KCNB2: variants seen among roughly 807,000 people sequenced by gnomAD.
KCNB2 encodes potassium voltage-gated channel subfamily B member 2, also known as delayed rectifier potassium channel protein.
KCNB2 carries 15 observed loss-of-function variants against 61.5 expected under a neutral mutation model. That is an observed-to-expected ratio of 0.24 (90% CI 0.16 to 0.38). The LOEUF is 0.38. Ranked by LOEUF, KCNB2 falls within the 10% of genes least tolerant of loss-of-function variation. The probability of loss-of-function intolerance (pLI) is 1.00; values close to 1 mark genes in which losing one functional copy is unlikely to be tolerated. For synonymous variants in KCNB2, 457 were observed against 446.0 expected, an observed-to-expected ratio of 1.02 and a Z score of -0.31; for missense variants, 828 against 1,125.2, an observed-to-expected ratio of 0.74 and a Z score of 3.78.
At chr8:72,605,106 G>A (rs1397119096) in intron 2 of KCNB2, among the ~76,000 whole-genome samples, 1 of 152,224 alleles carries the variant, frequency 6.6e-6, no homozygotes, top group Admixed American at 6.5e-5. Flanking sequence ...CAATAAGAAA[G>A]TATTTGCAGC....
intron 2 of KCNB2, among the ~76,000 whole-genome samples, chr8:72,869,147 G>T (rs1365725129): frequency 6.6e-6 from 1 of 152,122 alleles, no homozygotes; most frequent in African/African-American, 2.4e-5. Flanking sequence ...TAAGAACTGG[G>T]GTATGGTTGA....
At chr8:72,885,518 A>C (rs964152562) in intron 2 of KCNB2, among the ~76,000 whole-genome samples, 8 of 152,142 alleles carry the variant, frequency 5.3e-5, no homozygotes, top group African/African-American at 1.9e-4. Context: ...CTTCTCCTTA[A>C]GTCATTTTTT....
intron 2 of KCNB2, among the ~76,000 whole-genome samples, chr8:72,853,332 T>G (rs564522777): frequency 6.6e-6 from 1 of 152,296 alleles, no homozygotes. Context: ...TGCCTCCAGG[T>G]GGGACCAGCT....
At chr8:72,800,583 A>G (rs776296006) in intron 2 of KCNB2, among the ~76,000 whole-genome samples, 2 of 152,038 alleles carry the variant, frequency 1.3e-5, no homozygotes, top group Non-Finnish European at 2.9e-5. Flanking sequence ...TCCATATTTG[A>G]AAAAATATGG....
In KCNB2 at chr8:72,898,388, C is replaced by T. The variant is rs141468101; in HGVS notation, c.580-37547C>T. Among the ~76,000 whole-genome samples the T allele has an allele frequency of 4.5e-3, 687 of 151,868 alleles. 5 individuals are homozygous for T. Among genetic ancestry groups the T allele is most frequent in the Non-Finnish European group, 7.9e-3 (538 of 67,962 alleles). Reference sequence around the variant, plus strand: ...AGCACACCAACATGGCACATGTATACGTATGTAACTAACCTGCACGTTGTG... The same window carrying T: ...AGCACACCAACATGGCACATGTATATGTATGTAACTAACCTGCACGTTGTG... On this transcript the variant is annotated intron_variant, in intron 2 of 2. Transcript: ENST00000523207.
intron 2 of KCNB2, among the ~76,000 whole-genome samples, chr8:72,713,410 C>G (rs190737449): frequency 6.6e-6 from 1 of 152,196 alleles, no homozygotes; most frequent in South Asian, 2.1e-4. Context: ...AGGCACCCCC[C>G]ACTAGGGGCC....
chr8:72,646,557 G>A (rs72668164), intron 2 of KCNB2, among the ~76,000 whole-genome samples: 4,406 of 152,268 alleles, frequency 0.029, 98 homozygotes, highest in Middle Eastern at 0.082. Context: ...AAGGAAGGAA[G>A]TGCTGACATA....
chr8:72,674,445 C>T (rs1382694556), intron 2 of KCNB2, among the ~76,000 whole-genome samples: 1 of 152,186 alleles, frequency 6.6e-6, no homozygotes, highest in African/African-American at 2.4e-5. Flanking sequence ...TGGCATTTCC[C>T]ATTTGCAGCT....
chr8:72,933,469 A>T (rs1357980872), intron 2 of KCNB2, among the ~76,000 whole-genome samples: 1 of 152,256 alleles, frequency 6.6e-6, no homozygotes, highest in Non-Finnish European at 1.5e-5. Context: ...AAATTAACAA[A>T]TGAACAGATT....
At position 72,913,465 on chromosome 8, in the gene KCNB2, A is replaced by G. The variant is rs150510516; in HGVS notation, c.580-22470A>G. Among the ~76,000 whole-genome samples, 51 of 152,340 alleles carry G rather than the reference A, an allele frequency of 3.3e-4. No individual in the cohort carries two copies. In the East Asian group the frequency reaches 9.3e-3, roughly 28 times the overall value. On this transcript the variant is annotated intron_variant, in intron 2 of 2. Transcript: ENST00000523207. The stretch of plus-strand genomic sequence containing the variant: ...GCACAGGATTGCTATTCTCCCTTAT[A>G]GAAATACCAAGGTACTTTTGAGGGT...
rs539177314 is a variant in KCNB2 at position 72,706,643 on chromosome 8, C to A, written c.579+138330C>A. ...TATGCACACTGCTGTGCTGAACACT[C>A]CATGAGTTAGGAAAATAAACATGAC... On this transcript the variant is annotated intron_variant, in intron 2 of 2. Coordinates refer to ENST00000523207, the MANE Select transcript of KCNB2 (RefSeq NM_004770.3). 2.2e-4 allele frequency among the ~76,000 whole-genome samples: 34 copies of A among 152,274 alleles called. No individual in the cohort carries two copies. The South Asian group carries it at 6.4e-3, about 29-fold the overall frequency.
At chr8:72,862,793 G>A (rs1195029343) in intron 2 of KCNB2, among the ~76,000 whole-genome samples, 1 of 152,180 alleles carries the variant, frequency 6.6e-6, no homozygotes, top group African/African-American at 2.4e-5. Flanking sequence ...TCCGAAGGCT[G>A]TCTAGGTAGA....
chr8:72,930,030 A>G (rs949169152), intron 2 of KCNB2, among the ~76,000 whole-genome samples: 10 of 139,340 alleles, frequency 7.2e-5, no homozygotes, highest in African/African-American at 2.7e-4. Flanking sequence ...ATTCCCACCT[A>G]TGAGTGAAAA....
At chr8:72,934,350 C>A (rs1305401501) in intron 2 of KCNB2, among the ~76,000 whole-genome samples, 1 of 146,328 alleles carries the variant, frequency 6.8e-6, no homozygotes, top group Admixed American at 7.1e-5. Context: ...CCACTGCACT[C>A]CAGCCTGGAT....
intron 2 of KCNB2, among the ~76,000 whole-genome samples, chr8:72,889,193 A>G (rs1805855957): frequency 6.6e-6 from 1 of 152,200 alleles, no homozygotes; most frequent in Admixed American, 6.5e-5. Flanking sequence ...CCTTTGCAAC[A>G]CATCACTGTT....
Position 72,766,801 on chromosome 8 carries a change from T to A in KCNB2, c.580-169134T>A, listed in dbSNP as rs182925412. Among the ~76,000 whole-genome samples, 3 of 152,274 alleles carry A rather than the reference T, an allele frequency of 2.0e-5. No homozygotes were observed. The East Asian group carries it at 5.8e-4, about 29-fold the overall frequency. On this transcript the variant is annotated intron_variant, in intron 2 of 2. Transcript: ENST00000523207. ...AAGGAGTATATAAAGGAAACAGAAT[T>A]ATTCCTTCATTGTCTGAGACATGTA...
chr8:72,549,623 C>G (rs1342760532), intron 1 of KCNB2, among the ~76,000 whole-genome samples: 2 of 152,150 alleles, frequency 1.3e-5, no homozygotes, highest in Non-Finnish European at 2.9e-5. Flanking sequence ...AAATAAACAA[C>G]TAGCCATCCC....
intron 2 of KCNB2, among the ~76,000 whole-genome samples, chr8:72,930,269 T>C (rs1161422533): frequency 2.0e-5 from 3 of 151,852 alleles, no homozygotes; most frequent in Non-Finnish European, 4.4e-5. Context: ...TACGTGTGCA[T>C]GTGTCTTTAT....
intron 2 of KCNB2, among the ~76,000 whole-genome samples, chr8:72,797,544 T>G (rs1313051381): frequency 6.6e-6 from 1 of 152,240 alleles, no homozygotes; most frequent in Non-Finnish European, 1.5e-5. Flanking sequence ...CTTATATTTT[T>G]AACTTTATCA....
Sources: allele counts gnomAD v4.1 joint callset (sites outside exome capture counted in the v4.1 genomes callset), GRCh38; gene constraint gnomAD v4.1.1; transcripts MANE v1.5; gene names NCBI Gene and HGNC (gene_info 2026-07-23, HGNC 2026-07-21).